The following ABCA3 variants were observed in gnomAD, a reference collection of about 807,000 sequenced individuals.
ABCA3 encodes phospholipid-transporting ATPase ABCA3.
ABCA3 carries 88 observed loss-of-function variants against 172.8 expected under a neutral mutation model. The ratio of observed to expected loss-of-function variants is 0.51; its 90% CI spans 0.43 to 0.61. The LOEUF (loss-of-function observed/expected upper bound fraction) is 0.61, where lower values mean the gene tolerates loss of function less well. Among genes scored for constraint, ABCA3 ranks in the 20% least tolerant of loss-of-function variants. The pLI, the probability that ABCA3 is intolerant of heterozygous loss-of-function variation, is 0.00. For missense variants in ABCA3, 2,164 were observed against 2,301.0 expected (o/e 0.94, Z 1.22); for synonymous variants, 1,066 against 983.8 (o/e 1.08, Z -1.56).
chr16:2,300,924 T>C (rs1323850539), intron 12 of ABCA3, among the ~76,000 whole-genome samples: 2 of 152,166 alleles, frequency 1.3e-5, no homozygotes, highest in Non-Finnish European at 2.9e-5. Context: ...ATATGTAAAG[T>C]GATTTTAAAA....
intron 5 of ABCA3, 64 bp downstream of exon 5, chr16:2,325,946 C>T (rs2141740425): frequency 1.2e-6 from 2 of 1,605,342 alleles, no homozygotes; most frequent in East Asian, 2.2e-5. Flanking sequence ...GGGCTCGACC[C>T]CTGCCTGCCC....
At chr16:2,319,535 G>C in intron 8 of ABCA3, 46 bp downstream of exon 8, 1 of 1,601,712 alleles carries the variant, frequency 6.2e-7, no homozygotes. Flanking sequence ...GCCTCCCCAG[G>C]ACAGCGCGGT....
intron 10 of ABCA3, among the ~76,000 whole-genome samples, chr16:2,309,549 G>T (rs1436897209): frequency 1.3e-5 from 2 of 152,188 alleles, no homozygotes; most frequent in East Asian, 3.9e-4. Flanking sequence ...TGAGAGAGTG[G>T]ATTACGGAGA....
rs2093646365 is a variant in ABCA3, at chr16:2,276,372, G to A, written c.*302C>T. The A allele has an allele frequency of 1.9e-6, 1 of 538,504 alleles. No individual in the cohort carries two copies. The highest frequency in any genetic ancestry group is 1.9e-5 in the African/African-American group (1 of 53,068). The allele number at this position is 538,504 out of a possible 1,614,324, so 33.4% of individuals were successfully genotyped here. A position where few individuals can be genotyped will look rare whatever the true frequency, so the allele number is the denominator to read the frequency against. On this transcript the variant is annotated 3_prime_UTR_variant, in exon 33 of 33. Coordinates refer to ENST00000301732, the MANE Select transcript of ABCA3 (RefSeq NM_001089.3). ...AAATTCAACCCCCAGCTCAGCTGCA[G>A]CCCTTCCTGGGTCAGCTCTCCACCC...
At chr16:2,326,610 T>G in intron 3 of ABCA3, 118 bp from the exon 4 acceptor site, 1 of 1,132,970 alleles carries the variant, frequency 8.8e-7, no homozygotes, top group Middle Eastern at 2.1e-4. Context: ...TTTGTGCCAC[T>G]TTAACTCCAA....
At chr16:2,331,763 C>T (rs530140209) in intron 1 of ABCA3, among the ~76,000 whole-genome samples, 7 of 152,332 alleles carry the variant, frequency 4.6e-5, no homozygotes, top group African/African-American at 9.6e-5. Flanking sequence ...GGCCCAGGAC[C>T]GGCCCCGGCT....
intron 1 of ABCA3, among the ~76,000 whole-genome samples, chr16:2,338,717 AC>A (rs1387526947): frequency 1.4e-5 from 2 of 140,890 alleles, no homozygotes; most frequent in African/African-American, 5.4e-5. Flanking sequence ...CTATCCTAAG[AC>A]CCCTCCAAGA....
intron 10 of ABCA3, among the ~76,000 whole-genome samples, chr16:2,316,411 A>G (rs540261535): frequency 5.6e-4 from 81 of 145,488 alleles, no homozygotes; most frequent in African/African-American, 2.0e-3. Flanking sequence ...TTGGGAAGCC[A>G]AGGAGTATGG....
In ABCA3 at chr16:2,277,514, G is replaced by A; in HGVS notation, c.4983+83C>T. Reference sequence around the variant, plus strand: ...AGTGACTCCTCTGTGGAAAGAGCCTGCAGTCACCACAGAGGGAGAGACCCC... The same window carrying A: ...AGTGACTCCTCTGTGGAAAGAGCCTACAGTCACCACAGAGGGAGAGACCCC... On this transcript the variant is annotated intron_variant, in intron 32 of 32. Transcript: ENST00000301732. This position sits in a 1 kb window ranked among gnomAD's most constrained non-coding sequence, Gnocchi z 5.3. 1 of 1,404,552 alleles carries A rather than the reference G, an allele frequency of 7.1e-7. No individual in the cohort carries two copies. The highest frequency in any genetic ancestry group is 1.0e-6 in the Non-Finnish European group (1 of 1,002,222). The allele number at this position is 1,404,552 out of a possible 1,614,324, so 87.0% of individuals were successfully genotyped here. A position where few individuals can be genotyped will look rare whatever the true frequency, so the allele number is the denominator to read the frequency against.
In ABCA3 at chr16:2,284,264, G is replaced by A. The variant is rs1190725435; in HGVS notation, c.3862+15C>T. The A allele has an allele frequency of 6.8e-6, 11 of 1,611,246 alleles. No homozygotes were observed. Among genetic ancestry groups the A allele is most frequent in the Non-Finnish European group, 6.8e-6 (8 of 1,178,232 alleles). On this transcript the variant is annotated intron_variant, in intron 25 of 32. Transcript: ENST00000301732. The surrounding 1 kb of genome is among the most constrained non-coding windows in gnomAD (Gnocchi z 5.9). ...ACGCAGGGGTGCTGCCCGGGGTCGG[G>A]GCTGGGACACTCACTATATTTCTTG... is the stretch of plus-strand genomic sequence containing the variant.
At chr16:2,330,956 A>G (rs942506766) in intron 1 of ABCA3, among the ~76,000 whole-genome samples, 1 of 151,958 alleles carries the variant, frequency 6.6e-6, no homozygotes, top group Non-Finnish European at 1.5e-5. Flanking sequence ...CCTTTTGCAG[A>G]CGAAGAAACA....
At chr16:2,308,232 AC>A (rs1471101511) in intron 11 of ABCA3, among the ~76,000 whole-genome samples, 1 of 151,984 alleles carries the variant, frequency 6.6e-6, no homozygotes, top group Non-Finnish European at 1.5e-5. Flanking sequence ...GGCTCCCATC[AC>A]CTCCTGCTGT....
chr16:2,291,957 C>T (rs1392555296), intron 19 of ABCA3, among the ~76,000 whole-genome samples, 183 bp downstream of exon 19: 1 of 152,092 alleles, frequency 6.6e-6, no homozygotes, highest in African/African-American at 2.4e-5. Flanking sequence ...CCTGTAATCC[C>T]AGCTACTCGG....
intron 7 of ABCA3, among the ~76,000 whole-genome samples, chr16:2,320,459 GGC>G (rs2141733988): frequency 6.7e-6 from 1 of 149,436 alleles, no homozygotes; most frequent in African/African-American, 2.5e-5. Flanking sequence ...GCGCGATCTC[GGC>G]TCACTGCAAC....
At chr16:2,329,141 T>C (rs1164256648) in intron 2 of ABCA3, among the ~76,000 whole-genome samples, 1 of 152,136 alleles carries the variant, frequency 6.6e-6, no homozygotes, top group East Asian at 1.9e-4. Flanking sequence ...TGAATCATAT[T>C]GTTAAAAAGT....
rs137924161 is a variant in ABCA3, at chr16:2,324,466, C to G, written c.385G>C (p.Val129Leu). 3 of 1,609,988 alleles carry G rather than the reference C, an allele frequency of 1.9e-6. No homozygotes were observed. The highest frequency in any genetic ancestry group is 2.2e-5 in the South Asian group (2 of 90,918). Residue 129 changes from valine (V) to leucine (L), a missense_variant, in exon 6 of 33, where the codon GTG (valine) becomes CTG (leucine). Val to Leu is a conservative substitution (Grantham distance 32, BLOSUM62 1). Around this residue, in one of 3 missense-constraint regions of ABCA3, gnomAD observed 1,343 missense variants for 1,369.6 expected, o/e 0.98. Transcript: ENST00000301732. ...YIRYDNCSSS[V>L]LAAVVFEHPF... ...TGCTCGAAGACCACGGCGGCCAGCACGCTGGACGAGCAGTTGTCGTACCTA... is the reference window on the plus strand; with the variant it reads ...TGCTCGAAGACCACGGCGGCCAGCAGGCTGGACGAGCAGTTGTCGTACCTA...
rs2093662097 is a variant in ABCA3 at position 2,285,726 on chromosome 16, C to T, written c.3279-80G>A. On this transcript the variant is annotated intron_variant, in intron 22 of 32. Transcript: ENST00000301732. This position sits in a 1 kb window ranked among gnomAD's most constrained non-coding sequence, Gnocchi z 4.7. Reference sequence around the variant, plus strand: ...GAGGTCGGGTTCTCGGTTATGACCGCCCAAGGCATGCAGGGCAGCAGCCCA... The same window carrying T: ...GAGGTCGGGTTCTCGGTTATGACCGTCCAAGGCATGCAGGGCAGCAGCCCA... The T allele has an allele frequency of 7.1e-7, 1 of 1,416,438 alleles. No homozygotes were observed. The highest frequency in any genetic ancestry group is 9.7e-7 in the Non-Finnish European group (1 of 1,029,794). The allele number at this position is 1,416,438 out of a possible 1,614,324, so 87.7% of individuals were successfully genotyped here.
At position 2,285,517 on chromosome 16, in the gene ABCA3, G is replaced by A. The variant is rs1383860750; in HGVS notation, c.3408C>T (p.Val1136=). Residue 1136 remains valine (V), a synonymous_variant, in exon 23 of 33, where the codon GTC becomes GTT. Transcript: ENST00000301732. This position sits in a 1 kb window ranked among gnomAD's most constrained non-coding sequence, Gnocchi z 4.7. ...QAKHVQFVSG[V]HVASFWLSAL... ...CAGAGAGCCAGAAACTGGCCACGTG[G>A]ACTCCACTCACAAACTGCACATGCT... 1 of 1,608,282 alleles carries A rather than the reference G, an allele frequency of 6.2e-7. No homozygotes were observed. Among genetic ancestry groups the A allele is most frequent in the East Asian group, 2.2e-5 (1 of 44,644 alleles).
At chr16:2,317,572 T>G (rs930414668) in intron 9 of ABCA3, 76 bp downstream of exon 9, 13 of 1,589,636 alleles carry the variant, frequency 8.2e-6, no homozygotes, top group Non-Finnish European at 1.1e-5. Context: ...GACCACAAAG[T>G]TCTTCCCAAG....
Sources: allele counts gnomAD v4.1 joint callset (sites outside exome capture counted in the v4.1 genomes callset), GRCh38; gene constraint gnomAD v4.1.1; regional missense constraint gnomAD v4.1.1; non-coding constraint Gnocchi (gnomAD v3.1); transcripts MANE v1.5; gene names NCBI Gene and HGNC (gene_info 2026-07-23, HGNC 2026-07-21).